Variants in CRX observed in about 807,000 individuals in gnomAD.
CRX encodes cone-rod homeobox, also known as cone-rod homeobox protein.
In CRX, 5 loss-of-function variants were observed where a neutral mutation model predicts 13.1. The ratio of observed to expected loss-of-function variants is 0.38; its 90% CI spans 0.20 to 0.80. CRX has a LOEUF of 0.80. Ranked by LOEUF, CRX falls within the 30% of genes least tolerant of loss-of-function variation. CRX has a pLI of 0.43. For missense variants in CRX, 351 were observed against 391.8 expected, an observed-to-expected ratio of 0.90 and a Z score of 0.88; for synonymous variants, 179 against 171.1, an observed-to-expected ratio of 1.05 and a Z score of -0.36.
chr19:47,823,901 C>T (rs1435639366), intron 1 of CRX, among the ~76,000 whole-genome samples: 2 of 152,144 alleles, frequency 1.3e-5, no homozygotes, highest in Non-Finnish European at 2.9e-5. Context: ...CCACCTGCCT[C>T]GGCCTCCCAA....
At chr19:47,836,199 C>T (rs1968114996) in intron 2 of CRX, 44 bp from the exon 3 acceptor site, 2 of 1,612,912 alleles carry the variant, frequency 1.2e-6, no homozygotes, top group Non-Finnish European at 8.5e-7. Flanking sequence ...CTCACACCAG[C>T]CCATGTGGAT....
In CRX at chr19:47,836,410, C is replaced by T; in HGVS notation, c.252+16C>T. The T allele has an allele frequency of 6.2e-7, 1 of 1,614,154 alleles. No individual in the cohort carries two copies. The highest frequency in any genetic ancestry group is 1.1e-5 in the South Asian group (1 of 91,084). ...CAGGGTTCAGGTGGGGTGGTGGGTC[C>T]CTGGACCCCTCCCGACACTTCCTGT... On this transcript the variant is annotated intron_variant, in intron 3 of 3. Coordinates refer to ENST00000221996, the MANE Select transcript of CRX (RefSeq NM_000554.6).
chr19:47,839,182 GC>G lies in CRX; in HGVS notation c.253-134del, dbSNP rs1013942935. 5.7e-6 allele frequency: 5 copies of G among 878,470 alleles called. No homozygotes were observed. Among genetic ancestry groups the G allele is most frequent in the Non-Finnish European group, 8.8e-6 (5 of 567,500 alleles). 54.4% of individuals were successfully genotyped at this position (878,470 alleles called of 1,614,324 possible). ...TAGATGGATGGATGGGTGAATAGAC[GC>G]CCCACAGCTGGATGCAAAGTAGACA... is the stretch of plus-strand genomic sequence containing the variant. On this transcript the variant is annotated intron_variant, in intron 3 of 3. Coordinates refer to ENST00000221996, the MANE Select transcript of CRX (RefSeq NM_000554.6). The surrounding 1 kb of genome is among the most constrained non-coding windows in gnomAD (Gnocchi z 4.6).
chr19:47,841,833 TG>T lies in CRX; in HGVS notation c.*1868del, dbSNP rs1968200845. 6.7e-6 allele frequency: 1 copy of T among 148,390 alleles called. No homozygotes were observed. Among genetic ancestry groups the T allele is most frequent in the Non-Finnish European group, 1.5e-5 (1 of 66,822 alleles). 9.2% of individuals were successfully genotyped at this position (148,390 alleles called of 1,614,324 possible). On this transcript the variant is annotated 3_prime_UTR_variant, in exon 4 of 4. Coordinates refer to ENST00000221996, the MANE Select transcript of CRX (RefSeq NM_000554.6). ...GAGGCGGGTTCCAAGAGCCCTTCAT[TG>T]GTGGAGTTCACAAGGCAAGGTGTAA...
At position 47,839,844 on chromosome 19, in the gene CRX, C is replaced by G; in HGVS notation, c.777C>G (p.Gly259=). 1.2e-6 allele frequency: 2 copies of G among 1,614,132 alleles called. No homozygotes were observed. Among genetic ancestry groups the G allele is most frequent in the Non-Finnish European group, 1.7e-6 (2 of 1,180,028 alleles). Residue 259 remains glycine, a synonymous_variant, in exon 4 of 4, where the codon GGC becomes GGG. Coordinates refer to ENST00000221996, the MANE Select transcript of CRX (RefSeq NM_000554.6). The surrounding 1 kb of genome is among the most constrained non-coding windows in gnomAD (Gnocchi z 4.6). The part of the protein sequence containing the change: ...SPTSLSGQSY[G]AYSPVDSLEF... ...CCTCCCTATCAGGCCAGAGCTATGGCGCCTACAGCCCCGTGGATAGCTTGG... is the reference window on the plus strand; with the variant it reads ...CCTCCCTATCAGGCCAGAGCTATGGGGCCTACAGCCCCGTGGATAGCTTGG...
chr19:47,831,789 C>G (rs1460450889), intron 1 of CRX, among the ~76,000 whole-genome samples: 1 of 152,104 alleles, frequency 6.6e-6, no homozygotes, highest in Non-Finnish European at 1.5e-5. Context: ...GTCTCCCAGG[C>G]TGGAGTGCAG....
intron 2 of CRX, among the ~76,000 whole-genome samples, chr19:47,835,272 G>C (rs1968102832): frequency 1.3e-5 from 2 of 151,270 alleles, no homozygotes; most frequent in African/African-American, 4.9e-5. Context: ...TGCCCAGGCT[G>C]GTCTCAAACT....
At chr19:47,828,956 C>A (rs371952390) in intron 1 of CRX, among the ~76,000 whole-genome samples, 2 of 143,304 alleles carry the variant, frequency 1.4e-5, no homozygotes, top group East Asian at 4.4e-4. Context: ...AAAAAGTAAT[C>A]CAAACTATAG....
intron 1 of CRX, among the ~76,000 whole-genome samples, chr19:47,827,835 TTAAAAAAAAAAAAAAAAA>T (rs1568621843): frequency 1.5e-5 from 1 of 66,006 alleles, no homozygotes; most frequent in African/African-American, 6.1e-5. Context: ...GGCATCTTTA[TTAAAAAAAAAAAAAAAAA>T]AAAAAAAAAA....
At chr19:47,826,879 T>C (rs918442151) in intron 1 of CRX, among the ~76,000 whole-genome samples, 1 of 152,230 alleles carries the variant, frequency 6.6e-6, no homozygotes, top group Admixed American at 6.5e-5. Flanking sequence ...CGGCCAGGAC[T>C]GAAGTCACTT....
At chr19:47,828,591 C>A (rs2123732800) in intron 1 of CRX, among the ~76,000 whole-genome samples, 1 of 137,852 alleles carries the variant, frequency 7.3e-6, no homozygotes, top group South Asian at 2.4e-4. Context: ...CAAGCTGTGT[C>A]TTGAAGAAAA....
At chr19:47,834,844 A>T (rs1375577686) in intron 2 of CRX, among the ~76,000 whole-genome samples, 1 of 151,812 alleles carries the variant, frequency 6.6e-6, no homozygotes, top group East Asian at 1.9e-4. Flanking sequence ...AAGGTCTCAC[A>T]CTCTGTCACC....
At chr19:47,836,163 C>G in intron 2 of CRX, 80 bp from the exon 3 acceptor site, 1 of 1,572,176 alleles carries the variant, frequency 6.4e-7, no homozygotes, top group Non-Finnish European at 8.7e-7. Context: ...GGATGGAATT[C>G]TTGGCATCCC....
intron 3 of CRX, among the ~76,000 whole-genome samples, chr19:47,836,929 T>G (rs1968124608): frequency 6.6e-6 from 1 of 152,018 alleles, no homozygotes; most frequent in Non-Finnish European, 1.5e-5. Context: ...CATAGATGAA[T>G]GTATGTATGT....
At chr19:47,831,669 C>T (rs962992618) in intron 1 of CRX, among the ~76,000 whole-genome samples, 22 of 152,286 alleles carry the variant, frequency 1.4e-4, no homozygotes, top group East Asian at 3.9e-4. Context: ...GTCTGTTAGA[C>T]AAGACTCCCA....
chr19:47,840,050 A>C lies in CRX; in HGVS notation c.*83A>C. On this transcript the variant is annotated 3_prime_UTR_variant, in exon 4 of 4. Transcript: ENST00000221996. ...GCTTCCCTGCAGTTTAGATCCCGGGATGGCATTCCTGAGAAAGCAACCCGA... is the reference window on the plus strand; with the variant it reads ...GCTTCCCTGCAGTTTAGATCCCGGGCTGGCATTCCTGAGAAAGCAACCCGA... 1.3e-6 allele frequency: 2 copies of C among 1,555,596 alleles called. No homozygotes were observed. The highest frequency in any genetic ancestry group is 1.7e-6 in the Non-Finnish European group (2 of 1,143,342).
chr19:47,838,094 A>G (rs11666590), intron 3 of CRX, among the ~76,000 whole-genome samples: 26,826 of 152,062 alleles, frequency 0.18, 2,617 homozygotes, highest in Non-Finnish European at 0.22. Context: ...GTAGCTATGT[A>G]TGCTGTATGT....
rs1555802168 is a variant in CRX, at chr19:47,840,723, T to TTTTTTA, written c.*756_*757insTTTTTA. The TTTTTTA allele has an allele frequency of 2.1e-5, 3 of 140,430 alleles. No individual in the cohort carries two copies. Among genetic ancestry groups the TTTTTTA allele is most frequent in the Admixed American group, 7.1e-5 (1 of 14,154 alleles). The allele number at this position is 140,430 out of a possible 1,614,324, so 8.7% of individuals were successfully genotyped here. A position where few individuals can be genotyped will look rare whatever the true frequency, so the allele number is the denominator to read the frequency against. On this transcript the variant is annotated 3_prime_UTR_variant, in exon 4 of 4. Coordinates refer to ENST00000221996, the MANE Select transcript of CRX (RefSeq NM_000554.6). ...CGGCCCTTTTTTTTTTTTTTTTTTTTAATTGAGACGGAGTCTCACTCTTTT... is the reference window on the plus strand; with the variant it reads ...CGGCCCTTTTTTTTTTTTTTTTTTTTTTTTTAAATTGAGACGGAGTCTCACTCTTTT...
intron 3 of CRX, 137 bp downstream of exon 3, chr19:47,836,531 C>A: frequency 8.6e-7 from 1 of 1,156,232 alleles, no homozygotes; most frequent in Non-Finnish European, 1.3e-6. Flanking sequence ...AATCCCTCTC[C>A]CCACCATCCC....
Sources: gnomAD v4.1 joint callset for allele counts (sites outside exome capture counted in the v4.1 genomes callset) on GRCh38, gnomAD v4.1.1 for gene constraint, Gnocchi (gnomAD v3.1) non-coding constraint, MANE v1.5 for transcripts, NCBI Gene and HGNC (gene_info 2026-07-23, HGNC 2026-07-21) for gene names.